Variants in XIRP2 observed in about 807,000 individuals in gnomAD.
XIRP2 encodes xin actin-binding repeat-containing protein 2.
XIRP2 carries 236 observed loss-of-function variants against 277.0 expected under a neutral mutation model. The ratio of observed to expected loss-of-function variants is 0.85; its 90% confidence interval spans 0.77 to 0.95. XIRP2 has a LOEUF of 0.95. Among genes scored for constraint, XIRP2 ranks in the 40% least tolerant of loss-of-function variants. The pLI is 0.00. For synonymous variants in XIRP2, 1,490 were observed against 1,416.5 expected (o/e 1.05, Z -1.17); for missense variants, 4,640 against 4,157.5 (o/e 1.12, Z -3.19).
chr2:167,026,744 G>T (rs1688172892), intron 2 of XIRP2, among the ~76,000 whole-genome samples: 2 of 151,994 alleles, frequency 1.3e-5, no homozygotes, highest in South Asian at 2.1e-4. Context: ...TAAATTCTGG[G>T]TTGAAAATTC....
intron 2 of XIRP2, among the ~76,000 whole-genome samples, chr2:167,115,441 G>T (rs1190695216): frequency 1.3e-5 from 2 of 152,154 alleles, no homozygotes; most frequent in Non-Finnish European, 2.9e-5. Context: ...TTTTTGAGCT[G>T]CCAGAGTCCT....
At chr2:166,918,337 A>G (rs1034195981) in intron 2 of XIRP2, among the ~76,000 whole-genome samples, 1 of 152,122 alleles carries the variant, frequency 6.6e-6, no homozygotes, top group Non-Finnish European at 1.5e-5. Flanking sequence ...CAAAGGCCCC[A>G]GTTAAAGACC....
intron 2 of XIRP2, among the ~76,000 whole-genome samples, chr2:166,912,006 A>G (rs1047072550): frequency 2.0e-5 from 3 of 152,162 alleles, no homozygotes; most frequent in African/African-American, 4.8e-5. Flanking sequence ...TCACTTTGTG[A>G]GTAACCCGAC....
chr2:167,250,718 T>C lies in XIRP2; in HGVS notation c.9326T>C (p.Ile3109Thr). The C allele has an allele frequency of 6.2e-7, 1 of 1,613,160 alleles. No homozygotes were observed. Among genetic ancestry groups the C allele is most frequent in the African/African-American group, 1.3e-5 (1 of 74,792 alleles). ...GAAATTAAACTTGATGATAGCAACA[T>C]TCCTCCTCCCTCTTTAAAAACACGC... ...HQEIKLDDSNIPPPSLKTRPP... is the reference protein window; with the variant it reads ...HQEIKLDDSNTPPPSLKTRPP... Residue 3109 changes from isoleucine to threonine, a missense_variant, in exon 9 of 11, where the codon ATT becomes ACT. Ile to Thr is a moderately conservative substitution (Grantham distance 89, BLOSUM62 -1). Transcript: ENST00000409195.
chr2:166,963,777 A>G (rs927321344), intron 2 of XIRP2, among the ~76,000 whole-genome samples: 1 of 151,842 alleles, frequency 6.6e-6, no homozygotes, highest in Non-Finnish European at 1.5e-5. Flanking sequence ...AGGAGTGACA[A>G]CATGTAACAT....
In XIRP2 at chr2:167,079,860, T is replaced by G. The variant is rs920445850; in HGVS notation, c.409-56049T>G. Among the ~76,000 whole-genome samples, 6 of 152,234 alleles carry G rather than the reference T, an allele frequency of 3.9e-5. 1 individual carries two copies. The highest frequency in any genetic ancestry group is 3.9e-4 in the Admixed American group (6 of 15,290). ...CCATTCTGCTCTGATTTGGGTTATATCTTTTCTTCTGCTAGCTTTGGGATT... is the reference window on the plus strand; with the variant it reads ...CCATTCTGCTCTGATTTGGGTTATAGCTTTTCTTCTGCTAGCTTTGGGATT... On this transcript the variant is annotated intron_variant, in intron 2 of 10. Coordinates refer to ENST00000409195, the MANE Select transcript of XIRP2 (RefSeq NM_152381.6).
At chr2:167,065,435 G>A (rs914433164) in intron 2 of XIRP2, among the ~76,000 whole-genome samples, 3 of 151,660 alleles carry the variant, frequency 2.0e-5, no homozygotes, top group Non-Finnish European at 4.4e-5. Flanking sequence ...AACATGATTT[G>A]TAAATATTTT....
intron 5 of XIRP2, among the ~76,000 whole-genome samples, chr2:167,236,250 A>G (rs972427057): frequency 2.6e-5 from 4 of 151,920 alleles, no homozygotes; most frequent in African/African-American, 9.7e-5. Context: ...TAAAAAAAAA[A>G]GTTTTTTTAA....
chr2:166,983,417 G>A (rs1302006475), intron 2 of XIRP2, among the ~76,000 whole-genome samples: 1 of 151,872 alleles, frequency 6.6e-6, no homozygotes, highest in East Asian at 1.9e-4. Flanking sequence ...TTAGATTTTT[G>A]GCCTTTTAAA....
At chr2:167,041,226 AAG>A (rs1179944293) in intron 2 of XIRP2, among the ~76,000 whole-genome samples, 5 of 152,198 alleles carry the variant, frequency 3.3e-5, no homozygotes, top group African/African-American at 1.2e-4. Flanking sequence ...ATATATGAGA[AAG>A]AACCAGTTCA....
At chr2:167,098,395 A>G (rs1271921489) in intron 2 of XIRP2, among the ~76,000 whole-genome samples, 1 of 152,238 alleles carries the variant, frequency 6.6e-6, no homozygotes, top group East Asian at 1.9e-4. Context: ...TTTCAGCTCC[A>G]TCAGCTCATT....
chr2:167,143,654 C>T (rs961770583), intron 3 of XIRP2, among the ~76,000 whole-genome samples: 2 of 151,974 alleles, frequency 1.3e-5, no homozygotes, highest in African/African-American at 4.8e-5. Context: ...ACTCAGCTGC[C>T]AGGTTAGGAA....
chr2:167,016,946 G>A (rs1479171133), intron 2 of XIRP2, among the ~76,000 whole-genome samples: 3 of 151,960 alleles, frequency 2.0e-5, no homozygotes, highest in African/African-American at 4.8e-5. Flanking sequence ...TAAGACAGGT[G>A]AAGTATGGCC....
chr2:167,215,595 C>T (rs1694222385), intron 4 of XIRP2, among the ~76,000 whole-genome samples: 1 of 152,132 alleles, frequency 6.6e-6, no homozygotes, highest in Admixed American at 6.5e-5. Context: ...GGTATAGAAA[C>T]CTCTCAGCTC....
At chr2:166,934,317 C>A (rs1250426490) in intron 2 of XIRP2, among the ~76,000 whole-genome samples, 1 of 151,914 alleles carries the variant, frequency 6.6e-6, no homozygotes. Context: ...AAGGGAGCAG[C>A]TTCAAAAAGC....
intron 2 of XIRP2, among the ~76,000 whole-genome samples, chr2:166,975,741 C>T (rs892584478): frequency 5.1e-4 from 78 of 151,686 alleles, no homozygotes; most frequent in African/African-American, 1.6e-3. Flanking sequence ...CTGGCTAACA[C>T]GGTGAAACCC....
At chr2:166,966,732 A>T (rs946883304) in intron 2 of XIRP2, among the ~76,000 whole-genome samples, 1 of 152,044 alleles carries the variant, frequency 6.6e-6, no homozygotes, top group African/African-American at 2.4e-5. Flanking sequence ...CATGACATGG[A>T]TAATAGAAGA....
At chr2:167,012,983 C>T (rs1490681841) in intron 2 of XIRP2, among the ~76,000 whole-genome samples, 1 of 151,036 alleles carries the variant, frequency 6.6e-6, no homozygotes, top group Admixed American at 6.6e-5. Context: ...GTTCTTCCTT[C>T]TTGGTGGTAA....
intron 2 of XIRP2, among the ~76,000 whole-genome samples, chr2:166,943,501 C>T (rs1489349144): frequency 2.6e-5 from 4 of 152,198 alleles, no homozygotes; most frequent in African/African-American, 9.6e-5. Flanking sequence ...TTCATCATAT[C>T]ACCACTCGTC....
Sources: allele counts gnomAD v4.1 joint callset (sites outside exome capture counted in the v4.1 genomes callset), GRCh38; gene constraint gnomAD v4.1.1; transcripts MANE v1.5; gene names NCBI Gene and HGNC (gene_info 2026-07-23, HGNC 2026-07-21).